The following GRIK1 variants were observed in gnomAD, a reference collection of about 807,000 sequenced individuals.
The protein encoded by GRIK1 is glutamate ionotropic receptor kainate type subunit 1.
In GRIK1, 69 loss-of-function variants were observed where a neutral mutation model predicts 105.7. The observed-to-expected ratio is 0.65, with a 90% CI of 0.54 to 0.80. The LOEUF (loss-of-function observed/expected upper bound fraction) is 0.80, where lower values mean the gene tolerates loss of function less well. Among genes scored for constraint, GRIK1 ranks in the 30% least tolerant of loss-of-function variants. GRIK1 has a pLI of 0.00. For synonymous variants in GRIK1, 438 were observed against 431.3 expected (o/e 1.02, Z -0.19); for missense variants, 1,109 against 1,167.3 (o/e 0.95, Z 0.73).
At chr21:29,577,618 T>G (rs2090926151) in intron 13 of GRIK1, among the ~76,000 whole-genome samples, 1 of 152,236 alleles carries the variant, frequency 6.6e-6, no homozygotes, top group Non-Finnish European at 1.5e-5. Context: ...GAGAGCTACT[T>G]GTAAAATATT....
chr21:29,887,114 T>C (rs1377875518), intron 1 of GRIK1, among the ~76,000 whole-genome samples: 2 of 152,234 alleles, frequency 1.3e-5, no homozygotes, highest in Non-Finnish European at 2.9e-5. Flanking sequence ...TAGCTGAAAC[T>C]ACTTTCATTC....
chr21:29,544,214 A>G lies in GRIK1; in HGVS notation c.2608-6330T>C, dbSNP rs558362681. 1.2e-4 allele frequency among the ~76,000 whole-genome samples: 18 copies of G among 152,304 alleles called. No homozygotes were observed. The South Asian group carries it at 3.7e-3, about 32-fold the overall frequency. ...TTCCTCCTGTTGTTCATCTTTATTT[A>G]AAGATTTCATTTAGAAACCTTATTC... On this transcript the variant is annotated intron_variant, in intron 16 of 17. Coordinates refer to ENST00000327783, the MANE Select transcript of GRIK1 (RefSeq NM_001330994.2).
chr21:29,833,059 A>C (rs924762093), intron 1 of GRIK1, among the ~76,000 whole-genome samples: 2 of 152,206 alleles, frequency 1.3e-5, no homozygotes, highest in African/African-American at 4.8e-5. Flanking sequence ...TCTGGTTCAA[A>C]GTTCCATAGA....
intron 3 of GRIK1, among the ~76,000 whole-genome samples, chr21:29,685,544 A>G (rs1404733733): frequency 6.6e-6 from 1 of 152,144 alleles, no homozygotes; most frequent in African/African-American, 2.4e-5. Flanking sequence ...AACCAAGCAT[A>G]AGAAAACACT....
chr21:29,790,797 G>A (rs1418480120), intron 1 of GRIK1, among the ~76,000 whole-genome samples: 5 of 152,166 alleles, frequency 3.3e-5, no homozygotes, highest in Non-Finnish European at 1.5e-5. Flanking sequence ...ATGTTTGGTT[G>A]GTGCCCCTTT....
intron 12 of GRIK1, among the ~76,000 whole-genome samples, chr21:29,582,732 A>G (rs1458360773): frequency 6.6e-6 from 1 of 152,188 alleles, no homozygotes; most frequent in African/African-American, 2.4e-5. Flanking sequence ...TCTGCAAATA[A>G]TTTAAAATGC....
chr21:29,586,559 C>A (rs1039585731), intron 12 of GRIK1, among the ~76,000 whole-genome samples: 1 of 152,106 alleles, frequency 6.6e-6, no homozygotes, highest in African/African-American at 2.4e-5. Flanking sequence ...TAGGGACATA[C>A]AAAAGCAATT....
At chr21:29,843,727 A>T (rs1245581772) in intron 1 of GRIK1, among the ~76,000 whole-genome samples, 1 of 152,236 alleles carries the variant, frequency 6.6e-6, no homozygotes, top group African/African-American at 2.4e-5. Flanking sequence ...AACTTAGCAG[A>T]AATGGACCTG....
intron 1 of GRIK1, among the ~76,000 whole-genome samples, chr21:29,867,860 GAGAGAGAA>G (rs1367279499): frequency 1.0e-5 from 1 of 99,188 alleles, no homozygotes; most frequent in Non-Finnish European, 2.0e-5. Context: ...AAGAGAGAAA[GAGAGAGAA>G]AGAGAGAAAG....
At chr21:29,562,681 A>T (rs74827275) in intron 14 of GRIK1, among the ~76,000 whole-genome samples, 1 of 151,954 alleles carries the variant, frequency 6.6e-6, no homozygotes, top group African/African-American at 2.4e-5. Context: ...AAAAATCTTC[A>T]TACTGTATTT....
chr21:29,589,012 C>G lies in GRIK1; in HGVS notation c.1396G>C (p.Asp466His), dbSNP rs138773993. 16 of 1,599,814 alleles carry G rather than the reference C, an allele frequency of 1.0e-5. No homozygotes were observed. The highest frequency in any genetic ancestry group is 1.4e-5 in the Non-Finnish European group (16 of 1,167,144). ...EEPYVMYRKS[D>H]KPLYGNDRFE... is the part of the protein sequence containing the mutation. ...CTGTCATTTCCATATAGAGGCTTAT[C>G]AGATTTCCTGTACATAACATAGGGT... The change falls in exon 11 of 18, where the codon GAT becomes CAT. Residue 466 changes from aspartate to histidine, a missense_variant. By Grantham distance (81) the Asp-to-His change is moderately conservative (BLOSUM62 -1). Coordinates refer to ENST00000327783, the MANE Select transcript of GRIK1 (RefSeq NM_001330994.2).
chr21:29,911,914 G>T (rs2070831448), intron 1 of GRIK1, among the ~76,000 whole-genome samples: 1 of 152,020 alleles, frequency 6.6e-6, no homozygotes. Flanking sequence ...AGCTCAAATA[G>T]ACTAACACAC....
chr21:29,605,694 G>A (rs776497308), intron 7 of GRIK1, among the ~76,000 whole-genome samples: 12 of 152,118 alleles, frequency 7.9e-5, no homozygotes, highest in Non-Finnish European at 1.6e-4. Context: ...CAGTGTGAAA[G>A]CATCCCTTTT....
intron 6 of GRIK1, among the ~76,000 whole-genome samples, chr21:29,643,347 T>C (rs2062553958): frequency 6.6e-6 from 1 of 152,196 alleles, no homozygotes; most frequent in Non-Finnish European, 1.5e-5. Context: ...CAGATTTGTT[T>C]CTCAGCATTT....
intron 3 of GRIK1, among the ~76,000 whole-genome samples, chr21:29,678,882 G>T (rs2063322632): frequency 1.3e-5 from 2 of 152,288 alleles, no homozygotes; most frequent in South Asian, 4.1e-4. Context: ...TCATGCCAAA[G>T]TGTTGATTTT....
At chr21:29,732,213 C>T (rs1360604178) in intron 1 of GRIK1, among the ~76,000 whole-genome samples, 1 of 152,158 alleles carries the variant, frequency 6.6e-6, no homozygotes, top group Admixed American at 6.6e-5. Context: ...GAAAGTTTCT[C>T]TTCCAGATGT....
intron 7 of GRIK1, among the ~76,000 whole-genome samples, chr21:29,640,161 TA>T (rs11341269): frequency 0.48 from 70,081 of 146,560 alleles, 18,598 homozygotes; most frequent in African/African-American, 0.74. Flanking sequence ...GAGAATAACT[TA>T]AAAAAAAAAA....
chr21:29,902,223 T>G (rs184324546), intron 1 of GRIK1, among the ~76,000 whole-genome samples: 6 of 152,348 alleles, frequency 3.9e-5, no homozygotes, highest in African/African-American at 9.6e-5. Flanking sequence ...AGCATTTCCT[T>G]TGAAAACCGG....
chr21:29,890,417 A>G (rs901138880), intron 1 of GRIK1, among the ~76,000 whole-genome samples: 1 of 151,992 alleles, frequency 6.6e-6, no homozygotes, highest in Non-Finnish European at 1.5e-5. Flanking sequence ...AAGTTTTTGA[A>G]TTTTCTGCCT....
Sources: gnomAD v4.1 joint callset for allele counts (sites outside exome capture counted in the v4.1 genomes callset) on GRCh38, gnomAD v4.1.1 for gene constraint, MANE v1.5 for transcripts, NCBI Gene and HGNC (gene_info 2026-07-23, HGNC 2026-07-21) for gene names.